Variants in KDM4B observed in about 807,000 individuals in gnomAD.
KDM4B encodes lysine demethylase 4B.
In KDM4B, 32 loss-of-function variants were observed where a neutral mutation model predicts 125.2. The observed-to-expected ratio is 0.26, with a 90% CI of 0.19 to 0.34. KDM4B has a LOEUF of 0.34. Among genes scored for constraint, KDM4B ranks in the 10% least tolerant of loss-of-function variants. The pLI is 1.00. For synonymous variants in KDM4B, 721 were observed against 677.9 expected (o/e 1.06, Z -0.99); for missense variants, 1,190 against 1,577.7 (o/e 0.75, Z 4.16).
chr19:5,091,063 A>T (rs2038691400), intron 9 of KDM4B, among the ~76,000 whole-genome samples: 1 of 152,214 alleles, frequency 6.6e-6, no homozygotes, highest in Admixed American at 6.5e-5. Flanking sequence ...TCACTCAAGG[A>T]AATAAAATGT....
At position 5,046,032 on chromosome 19, in the gene KDM4B, C is replaced by G. The variant is rs1187055136; in HGVS notation, c.433-1444C>G. ...TTCTTTCTGACTGGGGCTTGTCTTT[C>G]TCTTACGGATCCTGCCTGATTGTTT... On this transcript the variant is annotated intron_variant, in intron 5 of 22. Transcript: ENST00000159111. 4.6e-5 allele frequency among the ~76,000 whole-genome samples: 7 copies of G among 152,198 alleles called. No homozygotes were observed. In the East Asian group the frequency reaches 1.3e-3, roughly 29 times the overall value.
At chr19:5,137,412 T>G in intron 16 of KDM4B, 74 bp downstream of exon 16, 1 of 1,405,030 alleles carries the variant, frequency 7.1e-7, no homozygotes, top group Non-Finnish European at 9.8e-7. Context: ...GGGGTGACTT[T>G]GGGGCGTAGT....
At position 5,077,479 on chromosome 19, in the gene KDM4B, G is replaced by A. The variant is rs566298629; in HGVS notation, c.780+9G>A. 5 of 1,608,560 alleles carry A rather than the reference G, an allele frequency of 3.1e-6. No individual in the cohort carries two copies. In the South Asian group the frequency reaches 3.3e-5, roughly 11 times the overall value. ...GGATCCCCTTCAGCCGGGTGCGTAC[G>A]GGTGGGGCCTGCACGCCTGTGGGTG... is the stretch of plus-strand genomic sequence containing the variant. On this transcript the variant is annotated intron_variant, in intron 8 of 22. Coordinates refer to ENST00000159111, the MANE Select transcript of KDM4B (RefSeq NM_015015.3).
intron 1 of KDM4B, among the ~76,000 whole-genome samples, chr19:5,010,709 G>C (rs10402350): frequency 6.6e-6 from 1 of 151,944 alleles, no homozygotes; most frequent in Non-Finnish European, 1.5e-5. Flanking sequence ...ATGCAGTGGC[G>C]CGATCTTCGC....
chr19:4,975,261 G>A (rs2034405524), intron 1 of KDM4B, among the ~76,000 whole-genome samples: 1 of 152,184 alleles, frequency 6.6e-6, no homozygotes, highest in Non-Finnish European at 1.5e-5. Flanking sequence ...GCTCCCGTGG[G>A]CGAGTGTGCC....
At chr19:5,023,753 T>G (rs1039929608) in intron 2 of KDM4B, among the ~76,000 whole-genome samples, 2 of 142,506 alleles carry the variant, frequency 1.4e-5, no homozygotes, top group South Asian at 4.3e-4. Context: ...GCACTGTCTT[T>G]TTGAATTTTT....
chr19:4,998,360 T>C (rs4807677), intron 1 of KDM4B, among the ~76,000 whole-genome samples: 41,873 of 152,168 alleles, frequency 0.28, 7,340 homozygotes, highest in East Asian at 0.69. Context: ...ATAAAATTTT[T>C]TTGGACATAA....
chr19:5,042,690 G>C (rs966840383), intron 5 of KDM4B, among the ~76,000 whole-genome samples: 2 of 151,422 alleles, frequency 1.3e-5, no homozygotes, highest in Admixed American at 6.6e-5. Flanking sequence ...GAGGGGGGGG[G>C]CGCCGTAGGC....
chr19:5,053,860 G>C (rs779801188), intron 6 of KDM4B, among the ~76,000 whole-genome samples: 8 of 152,262 alleles, frequency 5.3e-5, no homozygotes, highest in African/African-American at 1.9e-4. Flanking sequence ...GGGGCCCAGC[G>C]TCCCGGCTGA....
intron 2 of KDM4B, among the ~76,000 whole-genome samples, chr19:5,020,572 C>T (rs2145558157): frequency 6.6e-6 from 1 of 152,298 alleles, no homozygotes; most frequent in East Asian, 1.9e-4. Flanking sequence ...CATTTCGACC[C>T]TGGAGCCGTC....
At chr19:5,138,926 G>C (rs1260231933) in intron 18 of KDM4B, among the ~76,000 whole-genome samples, 1 of 152,156 alleles carries the variant, frequency 6.6e-6, no homozygotes, top group African/African-American at 2.4e-5. Flanking sequence ...TCTGCGACCG[G>C]CTTCTTTCTT....
At chr19:4,975,795 G>A (rs1308950784) in intron 1 of KDM4B, among the ~76,000 whole-genome samples, 1 of 151,454 alleles carries the variant, frequency 6.6e-6, no homozygotes, top group Non-Finnish European at 1.5e-5. Flanking sequence ...ATTGCGCCAT[G>A]TTGGCCAGGC....
Position 5,129,025 on chromosome 19 carries a change from A to G in KDM4B, c.1316-2051A>G, listed in dbSNP as rs954171337. Among the ~76,000 whole-genome samples, 38 of 152,288 alleles carry G rather than the reference A, an allele frequency of 2.5e-4. 1 individual carries two copies. The highest frequency in any genetic ancestry group is 8.9e-4 in the African/African-American group (37 of 41,560). On this transcript the variant is annotated intron_variant, in intron 11 of 22. Coordinates refer to ENST00000159111, the MANE Select transcript of KDM4B (RefSeq NM_015015.3). Reference sequence around the variant, plus strand: ...CCCCCAGTGCCCCAGAATGCTCAGGACTAGCAGGGGTGGGGGCCAGGGCAG... The same window carrying G: ...CCCCCAGTGCCCCAGAATGCTCAGGGCTAGCAGGGGTGGGGGCCAGGGCAG...
At chr19:5,024,940 C>T (rs2036233063) in intron 2 of KDM4B, among the ~76,000 whole-genome samples, 1 of 152,230 alleles carries the variant, frequency 6.6e-6, no homozygotes, top group African/African-American at 2.4e-5. Flanking sequence ...AAGAGCGAGA[C>T]TCCGTCTCAA....
At chr19:4,981,056 C>T (rs2034623850) in intron 1 of KDM4B, among the ~76,000 whole-genome samples, 1 of 152,108 alleles carries the variant, frequency 6.6e-6, no homozygotes, top group South Asian at 2.1e-4. Context: ...GCCACAGGGT[C>T]TAGGCTCCAG....
chr19:5,001,725 G>C (rs962966657), intron 1 of KDM4B, among the ~76,000 whole-genome samples: 1 of 152,218 alleles, frequency 6.6e-6, no homozygotes, highest in African/African-American at 2.4e-5. Context: ...TGCCTCGCCA[G>C]CAGGGTGTGC....
chr19:5,132,725 TCCCCACA>T (rs67277873), intron 13 of KDM4B, among the ~76,000 whole-genome samples: 28,372 of 151,772 alleles, frequency 0.19, 2,674 homozygotes, highest in Admixed American at 0.21. Context: ...ACTCCCCCAC[TCCCCACA>T]CCCCACTGTG....
At chr19:5,048,428 T>C (rs1444229279) in intron 6 of KDM4B, among the ~76,000 whole-genome samples, 1 of 152,210 alleles carries the variant, frequency 6.6e-6, no homozygotes, top group African/African-American at 2.4e-5. Context: ...GGGGCTGCCC[T>C]GCACTGTCCT....
At chr19:5,134,342 C>T (rs189371091) in intron 14 of KDM4B, among the ~76,000 whole-genome samples, 6 of 152,264 alleles carry the variant, frequency 3.9e-5, no homozygotes, top group South Asian at 2.1e-4. Context: ...AGGGAGCGCC[C>T]GTGTCTGGTG....
Sources: allele counts gnomAD v4.1 joint callset (sites outside exome capture counted in the v4.1 genomes callset), GRCh38; gene constraint gnomAD v4.1.1; transcripts MANE v1.5; gene names NCBI Gene and HGNC (gene_info 2026-07-23, HGNC 2026-07-21).